The following LURAP1L variants were observed in gnomAD, a reference collection of about 807,000 sequenced individuals.
LURAP1L encodes leucine rich adaptor protein 1 like.
Under a neutral mutation model 13.8 loss-of-function variants are expected in LURAP1L, and 12 were observed. The observed-to-expected ratio is 0.87, with a 90% confidence interval of 0.56 to 1.41. The LOEUF is 1.41. Ranked by LOEUF, LURAP1L falls within the 40% of genes most tolerant of loss-of-function variation. LURAP1L has a pLI of 0.00. For missense variants in LURAP1L, 375 were observed against 292.9 expected (o/e 1.28, Z -2.04); for synonymous variants, 139 against 119.2 (o/e 1.17, Z -1.08).
At chr9:12,805,846 C>G (rs1819649674) in intron 1 of LURAP1L, among the ~76,000 whole-genome samples, 2 of 152,252 alleles carry the variant, frequency 1.3e-5, no homozygotes, top group East Asian at 1.9e-4. Flanking sequence ...TAAGCCCAAC[C>G]TTGTGATCCA....
chr9:12,784,010 G>A (rs549313058), intron 1 of LURAP1L, among the ~76,000 whole-genome samples: 5 of 152,066 alleles, frequency 3.3e-5, no homozygotes, highest in Admixed American at 3.3e-4. Flanking sequence ...TTTAGCTCCA[G>A]AATTTCAGCT....
At chr9:12,804,303 TC>T (rs1819626239) in intron 1 of LURAP1L, among the ~76,000 whole-genome samples, 1 of 152,102 alleles carries the variant, frequency 6.6e-6, no homozygotes, top group Non-Finnish European at 1.5e-5. Context: ...TTGCATCAGT[TC>T]TAATAAGATT....
intron 1 of LURAP1L, 75 bp from the exon 2 acceptor site, chr9:12,821,311 C>A (rs1819876890): frequency 3.4e-6 from 5 of 1,472,184 alleles, no homozygotes; most frequent in Non-Finnish European, 4.6e-6. Context: ...CTGCAGCAGA[C>A]AGTCCCCAGA....
At chr9:12,779,275 T>TC (rs1471184185) in intron 1 of LURAP1L, among the ~76,000 whole-genome samples, 5 of 138,096 alleles carry the variant, frequency 3.6e-5, no homozygotes, top group African/African-American at 1.4e-4. Flanking sequence ...TCTTTTTTTT[T>TC]TTTTTTTTTT....
In LURAP1L at chr9:12,821,875, T is replaced by A. The variant is rs927721270; in HGVS notation, c.*115T>A. The A allele has an allele frequency of 2.3e-6, 3 of 1,303,274 alleles. No individual in the cohort carries two copies. The highest frequency in any genetic ancestry group is 3.1e-6 in the Non-Finnish European group (3 of 954,458). The allele number at this position is 1,303,274 out of a possible 1,614,324, so 80.7% of individuals were successfully genotyped here. A position where few individuals can be genotyped will look rare whatever the true frequency, so the allele number is the denominator to read the frequency against. On this transcript the variant is annotated 3_prime_UTR_variant, in exon 2 of 2. Coordinates refer to ENST00000319264, the MANE Select transcript of LURAP1L (RefSeq NM_203403.2). ...ATAAGATGACCTTTTTAAAAGAAGC[T>A]GATTTTGAAACTGCTTAATGGTATT...
At chr9:12,795,391 A>G (rs1282630242) in intron 1 of LURAP1L, among the ~76,000 whole-genome samples, 1 of 152,048 alleles carries the variant, frequency 6.6e-6, no homozygotes, top group Non-Finnish European at 1.5e-5. Flanking sequence ...ATACATTAAT[A>G]ATGTATTAAT....
chr9:12,776,041 G>T lies in LURAP1L; in HGVS notation c.312+14G>T. 6.2e-7 allele frequency: 1 copy of T among 1,612,060 alleles called. No individual in the cohort carries two copies. Among genetic ancestry groups the T allele is most frequent in the Non-Finnish European group, 8.5e-7 (1 of 1,179,212 alleles). On this transcript the variant is annotated intron_variant, in intron 1 of 1. Transcript: ENST00000319264. ...AGGCAAGAGATGGTGAGTGTGGTGC[G>T]CCAGCCGCGGGGGCTGGGACCTGGG...
Position 12,775,833 on chromosome 9 carries a change from A to AG in LURAP1L, c.121dup (p.Asp41GlyfsTer18). The AG allele has an allele frequency of 6.2e-7, 1 of 1,604,244 alleles. No individual in the cohort carries two copies. The highest frequency in any genetic ancestry group is 8.5e-7 in the Non-Finnish European group (1 of 1,176,012). ...GGAGCCGGTTCCCAGGGAAAGGGACAGGGACCCCTGCGGGGGGAGCGGTGG... is the reference window on the plus strand; with the variant it reads ...GGAGCCGGTTCCCAGGGAAAGGGACAGGGGACCCCTGCGGGGGGAGCGGTGG... On this transcript the variant is annotated frameshift_variant, in exon 1 of 2. Transcript: ENST00000319264. LOFTEE classifies it high-confidence loss of function.
chr9:12,787,753 T>C (rs748117599), intron 1 of LURAP1L, among the ~76,000 whole-genome samples: 3 of 152,124 alleles, frequency 2.0e-5, no homozygotes, highest in Non-Finnish European at 4.4e-5. Context: ...AAAAAATACT[T>C]CACCGCGTGT....
At chr9:12,821,260 C>A in intron 1 of LURAP1L, 126 bp from the exon 2 acceptor site, 3 of 1,122,430 alleles carry the variant, frequency 2.7e-6, no homozygotes, top group Non-Finnish European at 3.8e-6. Context: ...TCCTGACAAC[C>A]AGTCCACTTA....
chr9:12,804,533 G>A (rs1479714795), intron 1 of LURAP1L, among the ~76,000 whole-genome samples: 3 of 151,920 alleles, frequency 2.0e-5, no homozygotes, highest in Admixed American at 6.6e-5. Context: ...AGTCGAAATG[G>A]AGTTTCACTA....
intron 1 of LURAP1L, among the ~76,000 whole-genome samples, chr9:12,786,922 A>C (rs1053296044): frequency 1.3e-5 from 2 of 152,074 alleles, no homozygotes; most frequent in Non-Finnish European, 2.9e-5. Flanking sequence ...AATTGGACCC[A>C]TCATTTCATT....
At chr9:12,818,361 T>G (rs1039964028) in intron 1 of LURAP1L, among the ~76,000 whole-genome samples, 1 of 152,222 alleles carries the variant, frequency 6.6e-6, no homozygotes, top group Admixed American at 6.5e-5. Flanking sequence ...GTATTACTAC[T>G]GTCTTAAGAG....
chr9:12,804,360 T>TG (rs1210692501), intron 1 of LURAP1L, among the ~76,000 whole-genome samples: 4 of 151,740 alleles, frequency 2.6e-5, no homozygotes, highest in Non-Finnish European at 5.9e-5. Flanking sequence ...TTTTTTTTTT[T>TG]TTGAGACAAA....
At chr9:12,805,600 C>A (rs1480039831) in intron 1 of LURAP1L, among the ~76,000 whole-genome samples, 1 of 152,138 alleles carries the variant, frequency 6.6e-6, no homozygotes, top group Non-Finnish European at 1.5e-5. Context: ...TATGGAACAA[C>A]TAACCATATT....
intron 1 of LURAP1L, among the ~76,000 whole-genome samples, chr9:12,815,074 G>C (rs797001767): frequency 1.4e-4 from 22 of 152,224 alleles, no homozygotes; most frequent in African/African-American, 4.8e-4. Context: ...TGTCTTCTCA[G>C]GCTGCAAAAA....
intron 1 of LURAP1L, among the ~76,000 whole-genome samples, chr9:12,816,728 T>C (rs1288274189): frequency 6.6e-6 from 1 of 152,014 alleles, no homozygotes; most frequent in Non-Finnish European, 1.5e-5. Flanking sequence ...ATCTCAACAT[T>C]CTCCCTAAAA....
At chr9:12,785,378 G>C (rs979519255) in intron 1 of LURAP1L, among the ~76,000 whole-genome samples, 2 of 152,096 alleles carry the variant, frequency 1.3e-5, no homozygotes, top group East Asian at 3.9e-4. Context: ...TGTCTCACTA[G>C]GTCCTGTACA....
chr9:12,811,799 A>T (rs770814624), intron 1 of LURAP1L, among the ~76,000 whole-genome samples: 1 of 152,158 alleles, frequency 6.6e-6, no homozygotes, highest in African/African-American at 2.4e-5. Context: ...ATTATCTCAC[A>T]GTTCTATATT....
Sources: gnomAD v4.1 joint callset for allele counts (sites outside exome capture counted in the v4.1 genomes callset) on GRCh38, gnomAD v4.1.1 for gene constraint, MANE v1.5 for transcripts, NCBI Gene and HGNC (gene_info 2026-07-23, HGNC 2026-07-21) for gene names.